The following CNTN4 variants were observed in gnomAD, a reference collection of about 807,000 sequenced individuals.
The protein encoded by CNTN4 is contactin 4, also known as contactin-4.
In CNTN4, 77 loss-of-function variants were observed where a neutral mutation model predicts 122.5. The observed-to-expected ratio is 0.63, with a 90% confidence interval of 0.52 to 0.76. CNTN4 has a LOEUF of 0.76. Among genes scored for constraint, CNTN4 ranks in the 30% least tolerant of loss-of-function variants. CNTN4 has a pLI of 0.00. For missense variants in CNTN4, 1,256 were observed against 1,259.1 expected (o/e 1.00, Z 0.04); for synonymous variants, 512 against 447.0 (o/e 1.15, Z -1.83).
intron 4 of CNTN4, among the ~76,000 whole-genome samples, chr3:2,584,457 A>G (rs2080087381): frequency 1.3e-5 from 2 of 152,200 alleles, no homozygotes; most frequent in South Asian, 4.1e-4. Flanking sequence ...TAATTCCAGC[A>G]CTTTGTGAGG....
intron 4 of CNTN4, among the ~76,000 whole-genome samples, chr3:2,572,790 G>C (rs1206164188): frequency 6.6e-6 from 1 of 152,150 alleles, no homozygotes; most frequent in Admixed American, 6.5e-5. Context: ...ACATGCTACT[G>C]CTCTCTTAGA....
At chr3:2,258,782 T>C (rs1454796794) in intron 2 of CNTN4, among the ~76,000 whole-genome samples, 1 of 151,948 alleles carries the variant, frequency 6.6e-6, no homozygotes, top group South Asian at 2.1e-4. Flanking sequence ...CCTTTTTATA[T>C]TTTTTTATTA....
chr3:2,167,002 A>C (rs2036223850), intron 2 of CNTN4, among the ~76,000 whole-genome samples: 1 of 152,156 alleles, frequency 6.6e-6, no homozygotes, highest in South Asian at 2.1e-4. Flanking sequence ...AGTAGTAATC[A>C]TTTCACTATG....
At chr3:2,445,930 A>G (rs1432403243) in intron 3 of CNTN4, among the ~76,000 whole-genome samples, 6 of 152,108 alleles carry the variant, frequency 3.9e-5, no homozygotes, top group Admixed American at 3.9e-4. Flanking sequence ...TCTAGGTTGT[A>G]TGATTCTTGA....
At position 2,109,200 on chromosome 3, in the gene CNTN4, A is replaced by G. The variant is rs528357496; in HGVS notation, c.-145+8561A>G. On this transcript the variant is annotated intron_variant, in intron 2 of 24. Transcript: ENST00000418658. ...GAGAAAATATTTTCCATGTTTAGGC[A>G]AGGTCAGTATTGGTGCATAACCCCT... is the stretch of plus-strand genomic sequence containing the variant. Among the ~76,000 whole-genome samples the G allele has an allele frequency of 2.0e-5, 3 of 152,272 alleles. No individual in the cohort carries two copies. In the South Asian group the frequency reaches 6.2e-4, roughly 32 times the overall value.
At chr3:2,822,675 A>C (rs933730432) in intron 7 of CNTN4, among the ~76,000 whole-genome samples, 2 of 152,224 alleles carry the variant, frequency 1.3e-5, no homozygotes. Flanking sequence ...TGTCCGATAT[A>C]ATGATCTCTT....
intron 13 of CNTN4, among the ~76,000 whole-genome samples, chr3:2,943,457 C>A (rs905995707): frequency 6.6e-6 from 1 of 151,938 alleles, no homozygotes; most frequent in Non-Finnish European, 1.5e-5. Flanking sequence ...AAGGAACACT[C>A]GGCAGGTTCT....
At chr3:2,611,006 C>T (rs62232685) in intron 4 of CNTN4, among the ~76,000 whole-genome samples, 42,187 of 151,896 alleles carry the variant, frequency 0.28, 7,277 homozygotes, top group Middle Eastern at 0.43. Flanking sequence ...CGATACGATA[C>T]ATCTTATAAC....
At chr3:2,517,734 A>G (rs1442090321) in intron 3 of CNTN4, among the ~76,000 whole-genome samples, 3 of 152,204 alleles carry the variant, frequency 2.0e-5, no homozygotes, top group Non-Finnish European at 4.4e-5. Context: ...CTCGCTGGTT[A>G]GAATTCATTG....
chr3:2,493,063 A>G (rs1461052402), intron 3 of CNTN4, among the ~76,000 whole-genome samples: 1 of 152,204 alleles, frequency 6.6e-6, no homozygotes, highest in African/African-American at 2.4e-5. Context: ...TACTGTTAGT[A>G]TCTGAAAGTT....
chr3:2,372,977 G>A (rs770840030), intron 3 of CNTN4, among the ~76,000 whole-genome samples: 4 of 152,150 alleles, frequency 2.6e-5, no homozygotes, highest in Non-Finnish European at 5.9e-5. Context: ...AACCTGGGAG[G>A]CTGAGGTTGC....
intron 2 of CNTN4, among the ~76,000 whole-genome samples, chr3:2,254,387 A>G (rs1181898694): frequency 2.0e-5 from 3 of 152,106 alleles, no homozygotes; most frequent in Non-Finnish European, 2.9e-5. Flanking sequence ...ATAATGTATA[A>G]TCCTTTGGGT....
At chr3:2,244,613 C>A (rs987193379) in intron 2 of CNTN4, among the ~76,000 whole-genome samples, 2 of 152,018 alleles carry the variant, frequency 1.3e-5, no homozygotes, top group African/African-American at 4.8e-5. Flanking sequence ...TATCTCTTTA[C>A]TTTTTAACTG....
At chr3:2,284,371 A>C (rs2041831672) in intron 2 of CNTN4, among the ~76,000 whole-genome samples, 1 of 152,138 alleles carries the variant, frequency 6.6e-6, no homozygotes, top group African/African-American at 2.4e-5. Context: ...ATCAAAACTT[A>C]GCTTGCTCTG....
chr3:2,547,512 T>C (rs895142346), intron 3 of CNTN4, among the ~76,000 whole-genome samples: 1 of 152,050 alleles, frequency 6.6e-6, no homozygotes, highest in Non-Finnish European at 1.5e-5. Context: ...GTGATCTGCC[T>C]ACCTCGGCCT....
At chr3:2,902,809 G>A in intron 11 of CNTN4, 67 bp from the exon 12 acceptor site, 1 of 1,534,400 alleles carries the variant, frequency 6.5e-7, no homozygotes, top group Non-Finnish European at 8.9e-7. Flanking sequence ...TATTACACAT[G>A]GTAAAATTGC....
At chr3:2,660,543 TG>T (rs1376672181) in intron 4 of CNTN4, among the ~76,000 whole-genome samples, 1 of 152,222 alleles carries the variant, frequency 6.6e-6, no homozygotes, top group Admixed American at 6.5e-5. Context: ...TGCCATTAAT[TG>T]GCATATGTCC....
chr3:2,831,498 T>G (rs567426513), intron 7 of CNTN4, among the ~76,000 whole-genome samples: 1 of 152,340 alleles, frequency 6.6e-6, no homozygotes, highest in Non-Finnish European at 1.5e-5. Flanking sequence ...TCGTGATATC[T>G]GAAGTAGGTG....
intron 6 of CNTN4, among the ~76,000 whole-genome samples, chr3:2,813,764 T>G (rs1209246059): frequency 6.6e-6 from 1 of 152,198 alleles, no homozygotes; most frequent in Non-Finnish European, 1.5e-5. Context: ...GTATTTATGG[T>G]AAGATACTTC....
Sources: allele counts gnomAD v4.1 joint callset (sites outside exome capture counted in the v4.1 genomes callset), GRCh38; gene constraint gnomAD v4.1.1; transcripts MANE v1.5; gene names NCBI Gene and HGNC (gene_info 2026-07-23, HGNC 2026-07-21).